Variants in EXOC1 observed in about 807,000 individuals in gnomAD.
The protein encoded by EXOC1 is SEC3-like 1.
EXOC1 carries 67 observed loss-of-function variants against 107.7 expected under a neutral mutation model. The ratio of observed to expected loss-of-function variants is 0.62; its 90% CI spans 0.51 to 0.76. The LOEUF (loss-of-function observed/expected upper bound fraction) is 0.76, where lower values mean the gene tolerates loss of function less well. EXOC1 is among the 30% of genes least tolerant of loss of function. EXOC1 has a pLI of 0.00. For missense variants in EXOC1, 833 were observed against 1,055.7 expected (o/e 0.79, Z 2.92); for synonymous variants, 348 against 353.5 (o/e 0.98, Z 0.17).
intron 10 of EXOC1, among the ~76,000 whole-genome samples, chr4:55,887,170 ATC>A (rs1421973500): frequency 6.0e-5 from 8 of 132,734 alleles, no homozygotes. Context: ...AGATATATAT[ATC>A]ACCTCTCATT....
chr4:55,877,040 T>G (rs1220541912), intron 8 of EXOC1: 12 of 983,526 alleles, frequency 1.2e-5, no homozygotes, highest in Non-Finnish European at 1.4e-5. Context: ...AAAAGAAAAT[T>G]TTTTAAAATT....
Position 55,868,276 on chromosome 4 carries a change from T to C in EXOC1, c.416-60T>C, listed in dbSNP as rs1423105113. 1.7e-5 allele frequency: 24 copies of C among 1,440,758 alleles called. No homozygotes were observed. In the South Asian group the frequency reaches 2.8e-4, roughly 17 times the overall value. 89.2% of individuals were successfully genotyped at this position (1,440,758 alleles called of 1,614,324 possible). ...TTATAACTATACCTACCTATATGTA[T>C]TATGTTATAGTCTTTTCTACTTTTT... On this transcript the variant is annotated intron_variant, in intron 4 of 18. Coordinates refer to ENST00000381295, the MANE Select transcript of EXOC1 (RefSeq NM_001024924.2).
chr4:55,854,577 T>C (rs1162203783), intron 1 of EXOC1, among the ~76,000 whole-genome samples: 1 of 152,222 alleles, frequency 6.6e-6, no homozygotes, highest in African/African-American at 2.4e-5. Context: ...CATAAACATA[T>C]CTGTCATGTT....
chr4:55,862,856 A>C (rs1721601776), intron 3 of EXOC1, among the ~76,000 whole-genome samples: 1 of 152,110 alleles, frequency 6.6e-6, no homozygotes, highest in African/African-American at 2.4e-5. Context: ...CTATTTTTTA[A>C]TTCCTTGGAT....
At chr4:55,890,488 C>A in intron 12 of EXOC1, 102 bp downstream of exon 12, 5 of 827,494 alleles carry the variant, frequency 6.0e-6, no homozygotes, top group Middle Eastern at 2.8e-4. Context: ...TCTTCTGGCT[C>A]TCTTAAGCAT....
At chr4:55,855,589 G>A (rs1170263474) in intron 1 of EXOC1, among the ~76,000 whole-genome samples, 6 of 152,274 alleles carry the variant, frequency 3.9e-5, no homozygotes, top group African/African-American at 9.6e-5. Context: ...CATAAATGCC[G>A]TATTTATGAA....
intron 3 of EXOC1, among the ~76,000 whole-genome samples, chr4:55,863,368 G>A (rs993806931): frequency 1.3e-5 from 2 of 152,162 alleles, no homozygotes; most frequent in Non-Finnish European, 2.9e-5. Context: ...GCCAGGAACA[G>A]GGCTCATGCC....
chr4:55,877,239 A>G lies in EXOC1; in HGVS notation c.1075-678A>G, dbSNP rs191207452. On this transcript the variant is annotated intron_variant, in intron 8 of 18. Coordinates refer to ENST00000381295, the MANE Select transcript of EXOC1 (RefSeq NM_001024924.2). The stretch of plus-strand genomic sequence containing the variant: ...ATGAGTTAACTAGCTCCAAAACTCT[A>G]GCAGTCTGTGTAATTTTAATACAGT... 4.4e-4 allele frequency: 434 copies of G among 985,404 alleles called. No homozygotes were observed. In the African/African-American group the frequency reaches 7.2e-3, roughly 16 times the overall value. 61.0% of individuals were successfully genotyped at this position (985,404 alleles called of 1,614,324 possible). A position where few individuals can be genotyped will look rare whatever the true frequency, so the allele number is the denominator to read the frequency against.
chr4:55,892,362 C>T (rs1724661372), intron 13 of EXOC1, among the ~76,000 whole-genome samples: 1 of 152,102 alleles, frequency 6.6e-6, no homozygotes, highest in Non-Finnish European at 1.5e-5. Flanking sequence ...CGTTCAGCTT[C>T]CTGTACCTCC....
chr4:55,880,822 G>T (rs1016633230), intron 9 of EXOC1, among the ~76,000 whole-genome samples: 12 of 152,104 alleles, frequency 7.9e-5, no homozygotes, highest in African/African-American at 2.9e-4. Context: ...AAATGAAATT[G>T]ACTTTTTCCC....
At chr4:55,873,025 A>AT (rs928812297) in intron 8 of EXOC1, among the ~76,000 whole-genome samples, 1 of 151,676 alleles carries the variant, frequency 6.6e-6, no homozygotes, top group East Asian at 1.9e-4. Context: ...TCTTTCTGTC[A>AT]TTTTTTCACT....
chr4:55,881,819 T>C (rs1723407571), intron 9 of EXOC1, among the ~76,000 whole-genome samples: 1 of 152,138 alleles, frequency 6.6e-6, no homozygotes, highest in Non-Finnish European at 1.5e-5. Flanking sequence ...GCTTGACTTT[T>C]CCCTATAACT....
At chr4:55,892,800 C>A in intron 14 of EXOC1, 89 bp downstream of exon 14, 1 of 1,254,102 alleles carries the variant, frequency 8.0e-7, no homozygotes, top group Non-Finnish European at 1.2e-6. Flanking sequence ...AGATGTTTCT[C>A]AGTAGCCTGA....
chr4:55,876,341 G>A, intron 8 of EXOC1: 2 of 975,340 alleles, frequency 2.1e-6, no homozygotes, highest in Non-Finnish European at 2.4e-6. Flanking sequence ...AGAATTCTGG[G>A]GGTCAGGAGT....
chr4:55,901,270 A>T (rs1332022413), intron 17 of EXOC1, among the ~76,000 whole-genome samples: 1 of 152,212 alleles, frequency 6.6e-6, no homozygotes. Flanking sequence ...ATATACTGAA[A>T]AACAATGTAT....
chr4:55,878,623 A>G (rs772822315), intron 9 of EXOC1, among the ~76,000 whole-genome samples: 13 of 152,174 alleles, frequency 8.5e-5, no homozygotes, highest in Non-Finnish European at 1.6e-4. Context: ...CTGTCTCGAG[A>G]CCATGGGGGA....
chr4:55,873,503 C>T (rs1232418871), intron 8 of EXOC1, among the ~76,000 whole-genome samples: 1 of 152,086 alleles, frequency 6.6e-6, no homozygotes, highest in Non-Finnish European at 1.5e-5. Context: ...ATTGAAAATA[C>T]CAGCCAGTAA....
At chr4:55,874,148 G>A (rs1722683798) in intron 8 of EXOC1, among the ~76,000 whole-genome samples, 2 of 152,228 alleles carry the variant, frequency 1.3e-5, no homozygotes, top group South Asian at 4.1e-4. Flanking sequence ...GGTAGGACTT[G>A]AACGAGTCCA....
Position 55,871,093 on chromosome 4 carries a change from T to C in EXOC1, c.832-8T>C, listed in dbSNP as rs769623660. On this transcript the variant is annotated splice_polypyrimidine_tract_variant and splice_region_variant and intron_variant, in intron 6 of 18. Coordinates refer to ENST00000381295, the MANE Select transcript of EXOC1 (RefSeq NM_001024924.2). The stretch of plus-strand genomic sequence containing the variant: ...CACATGCAAATGGTGTGTTTGCATA[T>C]ATTCTAGAACCACATGGACTTGGCC... The C allele has an allele frequency of 5.0e-6, 8 of 1,611,920 alleles. No homozygotes were observed. Among genetic ancestry groups the C allele is most frequent in the Non-Finnish European group, 6.8e-6 (8 of 1,178,938 alleles).
Sources: allele counts gnomAD v4.1 joint callset (sites outside exome capture counted in the v4.1 genomes callset), GRCh38; gene constraint gnomAD v4.1.1; transcripts MANE v1.5; gene names NCBI Gene and HGNC (gene_info 2026-07-23, HGNC 2026-07-21).